CADPS: variants seen among roughly 807,000 people sequenced by gnomAD.
CADPS encodes the protein calcium dependent secretion activator, also known as calcium-dependent secretion activator 1.
Under a neutral mutation model 167.3 loss-of-function variants are expected in CADPS, and 57 were observed. The observed-to-expected ratio is 0.34, with a 90% confidence interval of 0.28 to 0.42. The LOEUF is 0.42. Among genes scored for constraint, CADPS ranks in the 20% least tolerant of loss-of-function variants. The probability of loss-of-function intolerance (pLI) is 1.00; values close to 1 mark genes in which losing one functional copy is unlikely to be tolerated. For synonymous variants in CADPS, 676 were observed against 635.3 expected (o/e 1.06, Z -0.96); for missense variants, 1,414 against 1,738.1 (o/e 0.81, Z 3.32).
At chr3:62,707,947 CAG>C (rs1489794420) in intron 3 of CADPS, among the ~76,000 whole-genome samples, 1 of 152,016 alleles carries the variant, frequency 6.6e-6, no homozygotes, top group Non-Finnish European at 1.5e-5. Context: ...TGTTTGGAGA[CAG>C]AGTCTCTACT....
intron 28 of CADPS, among the ~76,000 whole-genome samples, chr3:62,407,135 A>ACATCATCATCATCAT (rs79885636): frequency 3.3e-5 from 5 of 151,114 alleles, no homozygotes; most frequent in South Asian, 2.1e-4. Flanking sequence ...ACTGCAATCA[A>ACATCATCATCATCAT]CATCATCATC....
chr3:62,787,696 G>A (rs954264599), intron 1 of CADPS, among the ~76,000 whole-genome samples: 2 of 152,258 alleles, frequency 1.3e-5, no homozygotes, highest in Non-Finnish European at 2.9e-5. Flanking sequence ...GAATCAGACT[G>A]CTTAAGTTTG....
intron 28 of CADPS, among the ~76,000 whole-genome samples, chr3:62,435,466 T>A (rs1053186953): frequency 6.6e-6 from 1 of 152,172 alleles, no homozygotes; most frequent in Non-Finnish European, 1.5e-5. Flanking sequence ...TAAGGCTGCA[T>A]GGTAATGAAG....
At position 62,731,385 on chromosome 3, in the gene CADPS, G is replaced by A. The variant is rs117797699; in HGVS notation, c.888+22056C>T. Among the ~76,000 whole-genome samples, 378 of 152,272 alleles carry A rather than the reference G, an allele frequency of 2.5e-3. 6 individuals are homozygous for A. The East Asian group carries it at 0.032, about 13-fold the overall frequency. On this transcript the variant is annotated intron_variant, in intron 3 of 29. Coordinates refer to ENST00000383710, the MANE Select transcript of CADPS (RefSeq NM_003716.4). Reference sequence around the variant, plus strand: ...CTGCCTACTTTGGAGGTATAAAGAAGTCTGGAGAAGGCAAGGTAAGGAGAT... The same window carrying A: ...CTGCCTACTTTGGAGGTATAAAGAAATCTGGAGAAGGCAAGGTAAGGAGAT...
chr3:62,731,386 T>A (rs1268269509), intron 3 of CADPS, among the ~76,000 whole-genome samples: 1 of 152,090 alleles, frequency 6.6e-6, no homozygotes, highest in Non-Finnish European at 1.5e-5. Context: ...TATAAAGAAG[T>A]CTGGAGAAGG....
intron 3 of CADPS, among the ~76,000 whole-genome samples, chr3:62,686,151 G>A (rs1580403994): frequency 6.6e-6 from 1 of 151,962 alleles, no homozygotes; most frequent in Non-Finnish European, 1.5e-5. Flanking sequence ...AGACAATTAC[G>A]AAGAATGAGG....
chr3:62,753,425 G>A lies in CADPS; in HGVS notation c.888+16C>T, dbSNP rs1435695836. 6.3e-7 allele frequency: 1 copy of A among 1,590,500 alleles called. No homozygotes were observed. The highest frequency in any genetic ancestry group is 1.7e-5 in the Admixed American group (1 of 59,382). On this transcript the variant is annotated intron_variant, in intron 3 of 29. Transcript: ENST00000383710. The surrounding 1 kb of genome is among the most constrained non-coding windows in gnomAD (Gnocchi z 4.6). ...TGCTTACCCACAGCTCTAGGCCCAG[G>A]CGAGAAACACCTTACCTGGCAGGCA...
intron 3 of CADPS, among the ~76,000 whole-genome samples, chr3:62,670,622 TA>T: frequency 6.6e-6 from 1 of 151,954 alleles, no homozygotes; most frequent in East Asian, 1.9e-4. Flanking sequence ...GGCAATGCAG[TA>T]AATATAACCC....
chr3:62,509,255 G>T (rs1432219770), intron 17 of CADPS, among the ~76,000 whole-genome samples: 1 of 135,318 alleles, frequency 7.4e-6, no homozygotes, highest in Non-Finnish European at 1.5e-5. Context: ...GGTGAGCCAG[G>T]ATCCTATCAC....
chr3:62,756,761 G>A (rs549720021), intron 2 of CADPS, among the ~76,000 whole-genome samples: 73 of 152,274 alleles, frequency 4.8e-4, no homozygotes, highest in Middle Eastern at 3.4e-3. Flanking sequence ...TTATTTTAGA[G>A]AGAAGGAACA....
chr3:62,736,756 T>C (rs985914580), intron 3 of CADPS, among the ~76,000 whole-genome samples: 2 of 152,204 alleles, frequency 1.3e-5, no homozygotes, highest in Admixed American at 1.3e-4. Flanking sequence ...GTGGATTTCT[T>C]ACTATATCCT....
chr3:62,639,926 C>G (rs1480306363), intron 6 of CADPS, among the ~76,000 whole-genome samples: 1 of 152,152 alleles, frequency 6.6e-6, no homozygotes, highest in East Asian at 1.9e-4. Context: ...CCTATGCCCC[C>G]ACTACTTTCT....
Position 62,547,047 on chromosome 3 carries a change from T to G in CADPS, c.1966+2856A>C, listed in dbSNP as rs2076559702. Among the ~76,000 whole-genome samples the G allele has an allele frequency of 2.6e-5, 4 of 152,196 alleles. No individual in the cohort carries two copies. The South Asian group carries it at 8.3e-4, about 31-fold the overall frequency. On this transcript the variant is annotated intron_variant, in intron 11 of 29. Coordinates refer to ENST00000383710, the MANE Select transcript of CADPS (RefSeq NM_003716.4). ...AGGCATAAAGGTTGGGTTGATTAAA[T>G]CCTAACTGGTTGTCTCTGATGGCTT...
intron 3 of CADPS, among the ~76,000 whole-genome samples, chr3:62,684,595 G>T (rs1362831516): frequency 1.3e-5 from 2 of 151,896 alleles, no homozygotes; most frequent in East Asian, 3.9e-4. Context: ...CCGAGTAAAG[G>T]GCATACCCAA....
chr3:62,524,754 G>A (rs1482086486), intron 13 of CADPS, among the ~76,000 whole-genome samples: 1 of 152,142 alleles, frequency 6.6e-6, no homozygotes, highest in Admixed American at 6.5e-5. Context: ...AGTCAAAGTG[G>A]CTCAGGCTCA....
At chr3:62,846,950 G>A (rs1577245412) in intron 1 of CADPS, among the ~76,000 whole-genome samples, 1 of 152,174 alleles carries the variant, frequency 6.6e-6, no homozygotes, top group African/African-American at 2.4e-5. Flanking sequence ...TTACAGGCAT[G>A]AGCCACTCGC....
At position 62,748,344 on chromosome 3, in the gene CADPS, C is replaced by CAAA. The variant is rs60942307; in HGVS notation, c.888+5094_888+5096dup. Among the ~76,000 whole-genome samples, 28 of 48,506 alleles carry CAAA rather than the reference C, an allele frequency of 5.8e-4. 4 individuals are homozygous for CAAA. The highest frequency in any genetic ancestry group is 3.6e-4 in the Admixed American group (1 of 2,782). 31.8% of individuals were successfully genotyped at this position (48,506 alleles called of 152,430 possible). A position where few individuals can be genotyped will look rare whatever the true frequency, so the allele number is the denominator to read the frequency against. The stretch of plus-strand genomic sequence containing the variant: ...CTGGGCGAGAAGCGAGACTCCGTCT[C>CAAA]AAAAAAAAAAAAAAAAAAAAAAAAA... On this transcript the variant is annotated intron_variant, in intron 3 of 29. Transcript: ENST00000383710.
chr3:62,798,282 T>A (rs949469269), intron 1 of CADPS, among the ~76,000 whole-genome samples: 1 of 152,064 alleles, frequency 6.6e-6, no homozygotes, highest in Non-Finnish European at 1.5e-5. Flanking sequence ...CAGCTGCCAG[T>A]GTGGCTAAGA....
chr3:62,497,749 C>T (rs775365902), intron 18 of CADPS, among the ~76,000 whole-genome samples: 2 of 152,006 alleles, frequency 1.3e-5, no homozygotes, highest in African/African-American at 2.4e-5. Flanking sequence ...CACATAGAGA[C>T]GGTTGTTGAG....
Sources: allele counts gnomAD v4.1 joint callset (sites outside exome capture counted in the v4.1 genomes callset), GRCh38; gene constraint gnomAD v4.1.1; non-coding constraint Gnocchi (gnomAD v3.1); transcripts MANE v1.5; gene names NCBI Gene and HGNC (gene_info 2026-07-23, HGNC 2026-07-21).